Variants in LRRC4C observed in about 807,000 individuals in gnomAD.
LRRC4C encodes the protein leucine rich repeat containing 4C, also known as leucine-rich repeat-containing protein 4C.
Under a neutral mutation model 33.6 loss-of-function variants are expected in LRRC4C, and 5 were observed. The ratio of observed to expected loss-of-function variants is 0.15; its 90% CI spans 0.08 to 0.31. The LOEUF (loss-of-function observed/expected upper bound fraction) is 0.31. LRRC4C is among the 10% of genes least tolerant of loss of function. The pLI, the probability that LRRC4C is intolerant of heterozygous loss-of-function variation, is 1.00. For missense variants in LRRC4C, 560 were observed against 796.7 expected (o/e 0.70, Z 3.58); for synonymous variants, 329 against 302.0 (o/e 1.09, Z -0.93).
chr11:40,902,853 G>T (rs969954898), intron 2 of LRRC4C, among the ~76,000 whole-genome samples: 1 of 152,134 alleles, frequency 6.6e-6, no homozygotes, highest in South Asian at 2.1e-4. Flanking sequence ...GCAGAGTTTG[G>T]TCTAGGGGGT....
At chr11:40,984,834 A>G (rs551343949) in intron 1 of LRRC4C, among the ~76,000 whole-genome samples, 60 of 149,626 alleles carry the variant, frequency 4.0e-4, no homozygotes, top group African/African-American at 1.4e-3. Flanking sequence ...TTGGTATAAA[A>G]AAAACTTCTG....
intron 1 of LRRC4C, among the ~76,000 whole-genome samples, chr11:40,957,686 A>G (rs936257256): frequency 5.3e-5 from 8 of 151,742 alleles, no homozygotes; most frequent in Non-Finnish European, 1.2e-4. Context: ...CTAGGCTTAT[A>G]TCCATTGCTC....
chr11:40,681,180 G>T (rs1241400879), intron 2 of LRRC4C, among the ~76,000 whole-genome samples: 1 of 152,164 alleles, frequency 6.6e-6, no homozygotes, highest in African/African-American at 2.4e-5. Flanking sequence ...ATAGCCAATA[G>T]AGCATGGGCA....
intron 3 of LRRC4C, among the ~76,000 whole-genome samples, chr11:40,554,502 G>A (rs1206507218): frequency 6.6e-6 from 1 of 152,028 alleles, no homozygotes; most frequent in Non-Finnish European, 1.5e-5. Context: ...TGTAAAAAAT[G>A]ATGTTGTGAT....
intron 5 of LRRC4C, among the ~76,000 whole-genome samples, chr11:40,168,402 G>A (rs921157592): frequency 2.6e-5 from 4 of 152,168 alleles, no homozygotes; most frequent in East Asian, 3.9e-4. Context: ...AGAAGGGTTC[G>A]TTCAGATTTG....
chr11:40,690,237 T>C (rs1276810410), intron 2 of LRRC4C, among the ~76,000 whole-genome samples: 1 of 152,120 alleles, frequency 6.6e-6, no homozygotes, highest in African/African-American at 2.4e-5. Flanking sequence ...CTTTATTAAC[T>C]GATTTAATTC....
chr11:40,367,220 A>G (rs910611850), intron 3 of LRRC4C, among the ~76,000 whole-genome samples: 2 of 152,080 alleles, frequency 1.3e-5, no homozygotes, highest in Non-Finnish European at 2.9e-5. Flanking sequence ...TGATGAATGG[A>G]TACATGCATG....
At chr11:40,552,888 T>C (rs1360612485) in intron 3 of LRRC4C, among the ~76,000 whole-genome samples, 1 of 152,192 alleles carries the variant, frequency 6.6e-6, no homozygotes, top group Admixed American at 6.5e-5. Flanking sequence ...TTCTGAGATG[T>C]AATAATCATT....
intron 1 of LRRC4C, among the ~76,000 whole-genome samples, chr11:41,186,022 A>G (rs1171760846): frequency 2.6e-5 from 4 of 152,152 alleles, no homozygotes; most frequent in African/African-American, 9.6e-5. Context: ...AGGTAAATAT[A>G]GTAAATAAAC....
intron 5 of LRRC4C, among the ~76,000 whole-genome samples, chr11:40,158,598 T>C (rs796426492): frequency 1.3e-4 from 19 of 147,640 alleles, no homozygotes; most frequent in African/African-American, 4.7e-4. Context: ...AAAAAATAGA[T>C]TCCCTGGCAT....
chr11:40,285,330 T>G (rs1943761652), intron 4 of LRRC4C, among the ~76,000 whole-genome samples: 1 of 151,816 alleles, frequency 6.6e-6, no homozygotes, highest in African/African-American at 2.4e-5. Context: ...CAATGAGGAG[T>G]GCCTCAAGCC....
chr11:41,252,919 A>G lies in LRRC4C; in HGVS notation c.-496+206512T>C, dbSNP rs145983753. Reference sequence around the variant, plus strand: ...GTGAAAGATCCATCCCCATGATTCAATTACCTCCCACTGTGTCCCTCCTAC... The same window carrying G: ...GTGAAAGATCCATCCCCATGATTCAGTTACCTCCCACTGTGTCCCTCCTAC... On this transcript the variant is annotated intron_variant, in intron 1 of 6. Coordinates refer to ENST00000528697, the MANE Select transcript of LRRC4C (RefSeq NM_001258419.2). Among the ~76,000 whole-genome samples the G allele has an allele frequency of 3.4e-3, 523 of 152,226 alleles. 6 individuals carry two copies. Among genetic ancestry groups the G allele is most frequent in the African/African-American group, 0.012 (508 of 41,528 alleles).
intron 1 of LRRC4C, among the ~76,000 whole-genome samples, chr11:41,179,214 G>T (rs2035628): frequency 0.35 from 52,288 of 150,062 alleles, 10,873 homozygotes; most frequent in South Asian, 0.47. Flanking sequence ...GATATCTGTG[G>T]TTAGGTCCTT....
At chr11:40,654,333 G>A (rs1430973357) in intron 2 of LRRC4C, among the ~76,000 whole-genome samples, 1 of 152,190 alleles carries the variant, frequency 6.6e-6, no homozygotes, top group Non-Finnish European at 1.5e-5. Context: ...GAGGCTGGGA[G>A]GGCTGCTATT....
chr11:40,989,952 T>A (rs947270902), intron 1 of LRRC4C, among the ~76,000 whole-genome samples: 5 of 151,838 alleles, frequency 3.3e-5, no homozygotes, highest in African/African-American at 1.2e-4. Flanking sequence ...TGTTAGGTAT[T>A]ATAAATAATC....
At chr11:41,239,843 TGAAA>T (rs1275006140) in intron 1 of LRRC4C, among the ~76,000 whole-genome samples, 1 of 152,152 alleles carries the variant, frequency 6.6e-6, no homozygotes, top group African/African-American at 2.4e-5. Flanking sequence ...TGTGAATGAA[TGAAA>T]AAGTAATCAT....
At chr11:40,563,234 T>C (rs981874705) in intron 3 of LRRC4C, among the ~76,000 whole-genome samples, 1 of 152,184 alleles carries the variant, frequency 6.6e-6, no homozygotes, top group Non-Finnish European at 1.5e-5. Context: ...TTTGGGATCC[T>C]CATCACTCAC....
intron 3 of LRRC4C, among the ~76,000 whole-genome samples, chr11:40,490,582 A>G (rs1015411731): frequency 6.6e-6 from 1 of 152,114 alleles, no homozygotes; most frequent in Non-Finnish European, 1.5e-5. Flanking sequence ...ACTTTCTCTT[A>G]ACCCTTGGGC....
At chr11:40,311,521 C>T (rs1945304110) in intron 4 of LRRC4C, among the ~76,000 whole-genome samples, 1 of 152,126 alleles carries the variant, frequency 6.6e-6, no homozygotes, top group Non-Finnish European at 1.5e-5. Context: ...TAATAGTTTG[C>T]CTTCTTGGGC....
Sources: gnomAD v4.1 joint callset for allele counts (sites outside exome capture counted in the v4.1 genomes callset) on GRCh38, gnomAD v4.1.1 for gene constraint, MANE v1.5 for transcripts, NCBI Gene and HGNC (gene_info 2026-07-23, HGNC 2026-07-21) for gene names.